Variants in KMT2A observed in about 807,000 individuals in gnomAD.
KMT2A encodes the protein histone-lysine N-methyltransferase 2A.
KMT2A carries 16 observed loss-of-function variants against 345.3 expected under a neutral mutation model. The observed-to-expected ratio is 0.05, with a 90% confidence interval of 0.03 to 0.07. The LOEUF (loss-of-function observed/expected upper bound fraction) is 0.07. KMT2A is among the 10% of genes least tolerant of loss of function. The pLI is 1.00. For missense variants in KMT2A, 3,272 were observed against 4,841.6 expected, an observed-to-expected ratio of 0.68 and a Z score of 9.62; for synonymous variants, 1,599 against 1,778.6, an observed-to-expected ratio of 0.90 and a Z score of 2.54.
intron 15 of KMT2A, among the ~76,000 whole-genome samples, 153 bp downstream of exon 15, chr11:118,492,081 C>T (rs1295093935): frequency 6.6e-6 from 1 of 152,122 alleles, no homozygotes; most frequent in Non-Finnish European, 1.5e-5. Flanking sequence ...AGAATAGGAC[C>T]TTCTTTAGCG....
chr11:118,494,244 G>A lies in KMT2A; in HGVS notation c.5179-44G>A. ...GAGGGAAGAGGAAATGGTTTTCAGA[G>A]CACACTGTTTTAAGAATAATTAACA... is the stretch of plus-strand genomic sequence containing the variant. On this transcript the variant is annotated intron_variant, in intron 16 of 35. Coordinates refer to ENST00000534358, the MANE Select transcript of KMT2A (RefSeq NM_001197104.2). The surrounding 1 kb of genome is among the most constrained non-coding windows in gnomAD (Gnocchi z 5.8). The A allele has an allele frequency of 2.0e-6, 2 of 1,018,038 alleles. No individual in the cohort carries two copies. The highest frequency in any genetic ancestry group is 1.7e-5 in the Admixed American group (1 of 57,920). The allele number at this position is 1,018,038 out of a possible 1,614,324, so 63.1% of individuals were successfully genotyped here.
At position 118,473,658 on chromosome 11, in the gene KMT2A, T is replaced by C; in HGVS notation, c.2499T>C (p.Thr833=). ...AGCCATTTTCATCAAGTAGTCCTAC[T>C]CCTCTCTTCCCTTGGTTTACCCCAG... ...PAEPFSSSSP[T]PLFPWFTPGS... The change falls in exon 3 of 36, where the codon ACT becomes ACC. Residue 833 remains threonine, a synonymous_variant. Transcript: ENST00000534358. The surrounding 1 kb of genome is among the most constrained non-coding windows in gnomAD (Gnocchi z 5.2). The C allele has an allele frequency of 1.2e-6, 2 of 1,614,054 alleles. No homozygotes were observed. The highest frequency in any genetic ancestry group is 8.5e-7 in the Non-Finnish European group (1 of 1,180,020).
rs782409499 is a variant in KMT2A, at chr11:118,505,655, A to G, written c.9763A>G (p.Met3255Val). The change falls in exon 27 of 36, where the codon ATG (methionine) becomes GTG (valine). Residue 3255 changes from methionine to valine, a missense_variant. Physicochemically the swap from Met to Val is conservative, Grantham distance 21. Around this residue, in one of 27 missense-constraint regions of KMT2A, gnomAD observed 748 missense variants for 922.2 expected, o/e 0.81. Coordinates refer to ENST00000534358, the MANE Select transcript of KMT2A (RefSeq NM_001197104.2). The surrounding 1 kb of genome is among the most constrained non-coding windows in gnomAD (Gnocchi z 4.6). ...NIAPSDVVSN[M>V]TLINFTPSQL... ...TGCCCCTTCTGATGTGGTTTCTAAT[A>G]TGACATTGATTAACTTCACACCCTC... The G allele has an allele frequency of 4.3e-6, 7 of 1,614,150 alleles. No homozygotes were observed. The highest frequency in any genetic ancestry group is 5.1e-6 in the Non-Finnish European group (6 of 1,180,010).
At position 118,458,878 on chromosome 11, in the gene KMT2A, A is replaced by C. The variant is rs9332758; in HGVS notation, c.433-9897A>C. ...TTCTTCAACTTTAGTTGTTCTCAGT[A>C]ATTTTGTTAGTTCTCCTGTGGCCTC... On this transcript the variant is annotated intron_variant, in intron 1 of 35. Transcript: ENST00000534358. 3.3e-5 allele frequency among the ~76,000 whole-genome samples: 5 copies of C among 152,280 alleles called. No homozygotes were observed. The South Asian group carries it at 1.0e-3, about 32-fold the overall frequency.
In KMT2A at chr11:118,509,119, A is replaced by G; in HGVS notation, c.10836-17A>G. On this transcript the variant is annotated splice_polypyrimidine_tract_variant and intron_variant, in intron 28 of 35. Transcript: ENST00000534358. ...AGAACTAGCTGATATTATATCTTACATTTGGTTTTTATTTAGGCAAGTCGC... is the reference window on the plus strand; with the variant it reads ...AGAACTAGCTGATATTATATCTTACGTTTGGTTTTTATTTAGGCAAGTCGC... 1 of 1,610,434 alleles carries G rather than the reference A, an allele frequency of 6.2e-7. No individual in the cohort carries two copies.
In KMT2A at chr11:118,522,125, C is replaced by T. The variant is rs781801231; in HGVS notation, c.11872C>T (p.Leu3958=). The T allele has an allele frequency of 6.2e-7, 1 of 1,614,238 alleles. No homozygotes were observed. The highest frequency in any genetic ancestry group is 1.1e-5 in the South Asian group (1 of 91,088). The change falls in exon 36 of 36, where the codon CTG becomes TTG. Residue 3958 remains leucine, a synonymous_variant. Transcript: ENST00000534358. The surrounding 1 kb of genome is among the most constrained non-coding windows in gnomAD (Gnocchi z 5.4). ...KFPIEDASNK[L]PCNCGAKKCR... is the part of the protein sequence containing the mutation. ...CCCCATTGAGGATGCCAGCAACAAG[C>T]TGCCCTGCAACTGTGGCGCCAAGAA...
chr11:118,503,398 A>C lies in KMT2A; in HGVS notation c.7506A>C (p.Lys2502Asn). 1 of 1,614,104 alleles carries C rather than the reference A, an allele frequency of 6.2e-7. No individual in the cohort carries two copies. The highest frequency in any genetic ancestry group is 1.1e-5 in the South Asian group (1 of 91,070). ...DKGLSMPGVP[K>N]APPMQVEGSA... is the part of the protein sequence containing the mutation. ...GCCTTTCTATGCCAGGAGTCCCCAA[A>C]GCTCCACCCATGCAAGTAGAAGGAT... Residue 2502 changes from lysine to asparagine, a missense_variant, in exon 27 of 36, where the codon AAA (lysine) becomes AAC (asparagine). Physicochemically the swap from Lys to Asn is moderately conservative, Grantham distance 94. Around this residue, in one of 27 missense-constraint regions of KMT2A, gnomAD observed 445 missense variants for 500.9 expected, o/e 0.89. Coordinates refer to ENST00000534358, the MANE Select transcript of KMT2A (RefSeq NM_001197104.2). This position sits in a 1 kb window ranked among gnomAD's most constrained non-coding sequence, Gnocchi z 5.3.
At chr11:118,438,321 C>T (rs1325602280) in intron 1 of KMT2A, among the ~76,000 whole-genome samples, 1 of 151,982 alleles carries the variant, frequency 6.6e-6, no homozygotes, top group Non-Finnish European at 1.5e-5. Context: ...AAACATTATT[C>T]GGCCCCCTTC....
At position 118,472,930 on chromosome 11, in the gene KMT2A, C is replaced by T. The variant is rs370854390; in HGVS notation, c.1771C>T (p.Pro591Ser). ...HTPWLMPPTI[P>S]LASPFLPAST... ...ACCTTGGCTTATGCCTCCAACAATC[C>T]CCTTAGCATCACCATTTTTGCCTGC... Residue 591 changes from proline (P) to serine (S), a missense_variant, in exon 3 of 36, where the codon CCC becomes TCC. By Grantham distance (74) the Pro-to-Ser change is moderately conservative (BLOSUM62 -1). This residue lies in a region of KMT2A where 114 missense variants were observed against 203.2 expected (regional missense o/e 0.56). Transcript: ENST00000534358. 1 of 1,613,868 alleles carries T rather than the reference C, an allele frequency of 6.2e-7. No individual in the cohort carries two copies. Among genetic ancestry groups the T allele is most frequent in the Non-Finnish European group, 8.5e-7 (1 of 1,179,998 alleles).
rs1555046198 is a variant in KMT2A at position 118,502,760 on chromosome 11, G to A, written c.6868G>A (p.Glu2290Lys). The change falls in exon 27 of 36, where the codon GAA (glutamate) becomes AAA (lysine). Residue 2290 changes from glutamate to lysine, a missense_variant. By Grantham distance (56) the Glu-to-Lys change is moderately conservative. Around this residue, in one of 27 missense-constraint regions of KMT2A, gnomAD observed 445 missense variants for 500.9 expected, o/e 0.89. Coordinates refer to ENST00000534358, the MANE Select transcript of KMT2A (RefSeq NM_001197104.2). This position sits in a 1 kb window ranked among gnomAD's most constrained non-coding sequence, Gnocchi z 4.9. The part of the protein sequence containing the change: ...NSHLDGSSSS[E>K]MKQSSASDLV... ...TCACTTGGATGGATCTTCATCTTCA[G>A]AAATGAAGCAGTCCAGTGCTTCAGA... 14 of 1,614,026 alleles carry A rather than the reference G, an allele frequency of 8.7e-6. No individual in the cohort carries two copies. Among genetic ancestry groups the A allele is most frequent in the Non-Finnish European group, 1.1e-5 (13 of 1,180,042 alleles).
Position 118,478,017 on chromosome 11 carries a change from A to G in KMT2A, c.3385A>G (p.Ile1129Val). ...AGATGCTGAACCTCTTGCTCCACCC[A>G]TCAAACCAATTAAACCTGTCACTAG... The part of the protein sequence containing the change: ...SEDAEPLAPP[I>V]KPIKPVTRNK... Residue 1129 changes from isoleucine (I) to valine (V), a missense_variant, in exon 5 of 36, where the codon ATC (isoleucine) becomes GTC (valine). By Grantham distance (29) the Ile-to-Val change is conservative. Around this residue, in one of 27 missense-constraint regions of KMT2A, gnomAD observed 33 missense variants for 46.5 expected, o/e 0.71. Transcript: ENST00000534358. The G allele has an allele frequency of 5.6e-6, 9 of 1,614,158 alleles. No homozygotes were observed. The highest frequency in any genetic ancestry group is 7.6e-6 in the Non-Finnish European group (9 of 1,180,028).
Position 118,502,863 on chromosome 11 carries a change from A to G in KMT2A, c.6971A>G (p.His2324Arg), listed in dbSNP as rs782449930. 1.2e-6 allele frequency: 2 copies of G among 1,614,232 alleles called. No homozygotes were observed. Among genetic ancestry groups the G allele is most frequent in the Non-Finnish European group, 8.5e-7 (1 of 1,180,046 alleles). Residue 2324 changes from histidine (H) to arginine (R), a missense_variant, in exon 27 of 36, where the codon CAT becomes CGT. This residue lies in a region of KMT2A where 445 missense variants were observed against 500.9 expected (regional missense o/e 0.89). Transcript: ENST00000534358. This position sits in a 1 kb window ranked among gnomAD's most constrained non-coding sequence, Gnocchi z 4.9. ...TCCAAGAGCTCAGAGGGATCTGCAC[A>G]TAATGTGGCTTACCCTGGAATTCCT... is the stretch of plus-strand genomic sequence containing the variant. ...LSSKSSEGSA[H>R]NVAYPGIPKL...
At chr11:118,463,291 C>T (rs1555033274) in intron 1 of KMT2A, among the ~76,000 whole-genome samples, 1 of 152,078 alleles carries the variant, frequency 6.6e-6, no homozygotes, top group Non-Finnish European at 1.5e-5. Flanking sequence ...TTTTTATTAC[C>T]TGTTGAATAC....
chr11:118,470,587 G>C (rs1288985237), intron 2 of KMT2A, among the ~76,000 whole-genome samples: 6 of 152,100 alleles, frequency 3.9e-5, no homozygotes, highest in African/African-American at 1.4e-4. Context: ...ATCTATTAAA[G>C]GAAGTCTCAT....
chr11:118,504,726 C>T lies in KMT2A; in HGVS notation c.8834C>T (p.Pro2945Leu). Residue 2945 changes from proline to leucine, a missense_variant, in exon 27 of 36, where the codon CCC (proline) becomes CTC (leucine). By Grantham distance (98) the Pro-to-Leu change is moderately conservative. Coordinates refer to ENST00000534358, the MANE Select transcript of KMT2A (RefSeq NM_001197104.2). The surrounding 1 kb of genome is among the most constrained non-coding windows in gnomAD (Gnocchi z 6.4). ...TTGACCACCCGGAGTCCCACTGTCC[C>T]CAGCCAGAATCCCAGTAGACTAGCT... The part of the protein sequence containing the change: ...SVLTTRSPTV[P>L]SQNPSRLAVI... 1 of 1,614,122 alleles carries T rather than the reference C, an allele frequency of 6.2e-7. No individual in the cohort carries two copies. The highest frequency in any genetic ancestry group is 8.5e-7 in the Non-Finnish European group (1 of 1,180,014).
At chr11:118,489,175 C>T (rs1555041792) in intron 11 of KMT2A, among the ~76,000 whole-genome samples, 1 of 148,652 alleles carries the variant, frequency 6.7e-6, no homozygotes, top group East Asian at 2.0e-4. Context: ...GTGAGCCACT[C>T]CAGCCTGTGG....
chr11:118,464,842 C>T (rs1949813204), intron 1 of KMT2A, among the ~76,000 whole-genome samples: 1 of 152,210 alleles, frequency 6.6e-6, no homozygotes, highest in Admixed American at 6.5e-5. Context: ...TTTGGGGATG[C>T]TCAAGGCATT....
In KMT2A at chr11:118,507,963, C is replaced by CA. The variant is rs1375412454; in HGVS notation, c.10835+362dup. Among the ~76,000 whole-genome samples, 5 of 151,508 alleles carry CA rather than the reference C, an allele frequency of 3.3e-5. No individual in the cohort carries two copies. In the South Asian group the frequency reaches 8.3e-4, roughly 25 times the overall value. Reference sequence around the variant, plus strand: ...GGGCGATAGAGCAAGACTCCGTTTCCAAAAAAAAGGTAAAAAATAGTTCTT... The same window carrying CA: ...GGGCGATAGAGCAAGACTCCGTTTCCAAAAAAAAAGGTAAAAAATAGTTCTT... On this transcript the variant is annotated intron_variant, in intron 28 of 35. Transcript: ENST00000534358.
Position 118,477,498 on chromosome 11 carries a change from C to CTTTTTTTTTTTTTTTTTTTTTTTTTT in KMT2A, c.3335-467_3335-442dup, listed in dbSNP as rs11430367. On this transcript the variant is annotated intron_variant, in intron 4 of 35. Coordinates refer to ENST00000534358, the MANE Select transcript of KMT2A (RefSeq NM_001197104.2). ...CTTTCATCAAGATGCAAGTTATTGG[C>CTTTTTTTTTTTTTTTTTTTTTTTTTT]TTTTTTTTTTTTTTTTTTTTTTTTT... 2.5e-4 allele frequency among the ~76,000 whole-genome samples: 14 copies of CTTTTTTTTTTTTTTTTTTTTTTTTTT among 56,944 alleles called. 5 individuals carry two copies. Among genetic ancestry groups the CTTTTTTTTTTTTTTTTTTTTTTTTTT allele is most frequent in the African/African-American group, 1.1e-3 (14 of 12,984 alleles). The allele number at this position is 56,944 out of a possible 152,430, so 37.4% of individuals were successfully genotyped here.
Sources: allele counts gnomAD v4.1 joint callset (sites outside exome capture counted in the v4.1 genomes callset), GRCh38; gene constraint gnomAD v4.1.1; regional missense constraint gnomAD v4.1.1; non-coding constraint Gnocchi (gnomAD v3.1); transcripts MANE v1.5; gene names NCBI Gene and HGNC (gene_info 2026-07-23, HGNC 2026-07-21).